The following PCDHA1 variants were observed in gnomAD, a reference collection of about 807,000 sequenced individuals.
The protein encoded by PCDHA1 is protocadherin alpha-1.
Under a neutral mutation model 61.3 loss-of-function variants are expected in PCDHA1, and 42 were observed. The ratio of observed to expected loss-of-function variants is 0.69; its 90% CI spans 0.54 to 0.89. The LOEUF (loss-of-function observed/expected upper bound fraction) is 0.89. Ranked by LOEUF, PCDHA1 falls within the 40% of genes least tolerant of loss-of-function variation. PCDHA1 has a pLI of 0.00. For missense variants in PCDHA1, 1,256 were observed against 1,235.3 expected (o/e 1.02, Z -0.25); for synonymous variants, 610 against 553.8 (o/e 1.10, Z -1.43).
intron 1 of PCDHA1, chr5:140,796,652 C>T (rs562978091): frequency 2.1e-5 from 34 of 1,613,728 alleles, no homozygotes; most frequent in Non-Finnish European, 2.2e-5. Context: ...GACAACGCGC[C>T]GGCACTGTTG....
At chr5:140,949,222 G>T (rs1472220330) in intron 1 of PCDHA1, among the ~76,000 whole-genome samples, 1 of 151,662 alleles carries the variant, frequency 6.6e-6, no homozygotes, top group Non-Finnish European at 1.5e-5. Flanking sequence ...GTTTAGACTT[G>T]TTCTGTGGCC....
In PCDHA1 at chr5:140,787,447, C is replaced by G; in HGVS notation, c.1157C>G (p.Thr386Ser). ...DRDSGANGQV[T>S]CSLMPHVPFK... is the part of the protein sequence containing the mutation. The stretch of plus-strand genomic sequence containing the variant: ...GACTCAGGTGCCAACGGGCAGGTGA[C>G]TTGCTCCTTAATGCCCCACGTCCCC... Residue 386 changes from threonine to serine, a missense_variant, in exon 1 of 4, where the codon ACT becomes AGT. Transcript: ENST00000504120. The G allele has an allele frequency of 6.2e-7, 1 of 1,614,264 alleles. No homozygotes were observed. Among genetic ancestry groups the G allele is most frequent in the Non-Finnish European group, 8.5e-7 (1 of 1,180,050 alleles).
At chr5:140,947,996 T>C (rs185303145) in intron 1 of PCDHA1, among the ~76,000 whole-genome samples, 1 of 126,772 alleles carries the variant, frequency 7.9e-6, no homozygotes, top group Non-Finnish European at 1.7e-5. Context: ...CCAAATACTT[T>C]ATTAAATTTA....
chr5:140,915,093 G>A (rs1397392191), intron 1 of PCDHA1, among the ~76,000 whole-genome samples: 3 of 151,622 alleles, frequency 2.0e-5, no homozygotes, highest in Non-Finnish European at 2.9e-5. Flanking sequence ...CTATGGGCAC[G>A]CACCACCACA....
chr5:140,899,127 C>T (rs1487430888), intron 1 of PCDHA1, among the ~76,000 whole-genome samples: 16 of 152,302 alleles, frequency 1.1e-4, no homozygotes, highest in African/African-American at 3.9e-4. Context: ...ACAATCATGT[C>T]TTCTGCAAAC....
chr5:140,885,213 AT>A (rs1364699535), intron 1 of PCDHA1, among the ~76,000 whole-genome samples: 44 of 152,178 alleles, frequency 2.9e-4, no homozygotes, highest in African/African-American at 1.0e-3. Context: ...CCCATGAAAA[AT>A]ATCTTGTGAT....
intron 1 of PCDHA1, chr5:140,823,277 G>C (rs2150124312): frequency 6.2e-7 from 1 of 1,612,322 alleles, no homozygotes; most frequent in South Asian, 1.1e-5. Context: ...GTGGGCGAGC[G>C]CCCGCTGTCG....
chr5:140,968,121 T>C (rs1554230356), intron 1 of PCDHA1: 2 of 1,614,180 alleles, frequency 1.2e-6, no homozygotes, highest in Non-Finnish European at 1.7e-6. Flanking sequence ...CTCACATCCC[T>C]GCGTACACTG....
intron 1 of PCDHA1, chr5:140,850,708 C>A: frequency 6.3e-7 from 1 of 1,598,016 alleles, no homozygotes; most frequent in Non-Finnish European, 8.6e-7. Flanking sequence ...GGCAAGCCGA[C>A]GCTGGTGTGT....
chr5:140,946,199 A>G (rs1300104764), intron 1 of PCDHA1, among the ~76,000 whole-genome samples: 10 of 151,964 alleles, frequency 6.6e-5, no homozygotes, highest in Admixed American at 5.2e-4. Context: ...CTCAAAAGAA[A>G]GCACACAAAT....
At chr5:140,993,462 TCACACACACACACACACACACA>T (rs3836747) in intron 3 of PCDHA1, among the ~76,000 whole-genome samples, 6 of 141,044 alleles carry the variant, frequency 4.3e-5, no homozygotes, top group East Asian at 4.2e-4. Context: ...TCTTTCTTTC[TCACACACACACACACACACACA>T]CACACACACA....
At chr5:140,884,400 T>C (rs2060147472) in intron 1 of PCDHA1, 1 of 1,613,972 alleles carries the variant, frequency 6.2e-7, no homozygotes, top group Non-Finnish European at 8.5e-7. Context: ...TCCAGCCTGT[T>C]GGTGCTCACG....
intron 1 of PCDHA1, among the ~76,000 whole-genome samples, chr5:140,844,558 A>G (rs1779439411): frequency 6.7e-6 from 1 of 149,510 alleles, no homozygotes; most frequent in South Asian, 2.1e-4. Flanking sequence ...GAGTTGGAAT[A>G]TTTTCAATAA....
intron 1 of PCDHA1, among the ~76,000 whole-genome samples, chr5:140,935,507 G>A (rs2090409706): frequency 6.6e-6 from 1 of 152,138 alleles, no homozygotes. Context: ...CCTTACAAAT[G>A]CCCAGTAGGC....
At chr5:140,868,805 C>A in intron 1 of PCDHA1, 2 of 356,420 alleles carry the variant, frequency 5.6e-6, no homozygotes, top group Non-Finnish European at 5.0e-6. Context: ...TAAATAAGCA[C>A]GTTGGAAATA....
chr5:140,980,978 C>T (rs1482749121), intron 2 of PCDHA1, among the ~76,000 whole-genome samples: 1 of 152,032 alleles, frequency 6.6e-6, no homozygotes, highest in South Asian at 2.1e-4. Flanking sequence ...TCTGACTGAG[C>T]CCACACAATT....
At chr5:140,795,337 G>A (rs1237719977) in intron 1 of PCDHA1, 1 of 1,614,086 alleles carries the variant, frequency 6.2e-7, no homozygotes, top group African/African-American at 1.3e-5. Context: ...GGAGGTGAAG[G>A]ACATTAACGA....
At chr5:140,811,949 T>C (rs1764997000) in intron 1 of PCDHA1, 2 of 152,210 alleles carry the variant, frequency 1.3e-5, no homozygotes, top group South Asian at 4.1e-4. Flanking sequence ...ATTCTGTAGG[T>C]TGCCTGTTCA....
At chr5:140,808,186 T>C (rs368094728) in intron 1 of PCDHA1, 4 of 1,614,204 alleles carry the variant, frequency 2.5e-6, no homozygotes, top group African/African-American at 1.3e-5. Context: ...TTTCTGGCCA[T>C]TGTAGAGTTA....
Sources: gnomAD v4.1 joint callset for allele counts (sites outside exome capture counted in the v4.1 genomes callset) on GRCh38, gnomAD v4.1.1 for gene constraint, MANE v1.5 for transcripts, NCBI Gene and HGNC (gene_info 2026-07-23, HGNC 2026-07-21) for gene names.